Variants in LHFPL1 observed in about 807,000 individuals in gnomAD.
LHFPL1 encodes LHFPL tetraspan subfamily member 1.
Under a neutral mutation model 12.1 loss-of-function variants are expected in LHFPL1, and 4 were observed. That is an observed-to-expected ratio of 0.33 (90% confidence interval 0.16 to 0.76). LHFPL1 has a LOEUF of 0.76. LHFPL1 is among the 30% of genes least tolerant of loss of function. The probability of loss-of-function intolerance (pLI) is 0.61; values close to 1 mark genes in which losing one functional copy is unlikely to be tolerated. For synonymous variants in LHFPL1, 52 were observed against 61.9 expected, an observed-to-expected ratio of 0.84 and a Z score of 0.75; for missense variants, 141 against 174.1, an observed-to-expected ratio of 0.81 and a Z score of 1.07.
chrX:112,642,396 G>A (rs1447089987), intron 3 of LHFPL1, among the ~76,000 whole-genome samples: 5 of 102,207 alleles, frequency 4.9e-5, no homozygotes, highest in Non-Finnish European at 1.0e-4. Context: ...TTGTTGAGAC[G>A]GGGCTTCACC....
intron 3 of LHFPL1, among the ~76,000 whole-genome samples, chrX:112,657,207 T>C (rs1477870495): frequency 1.8e-5 from 2 of 112,173 alleles, no homozygotes; most frequent in African/African-American, 3.2e-5. Flanking sequence ...AAAATAACAA[T>C]AAAATACTTA....
intron 1 of LHFPL1, among the ~76,000 whole-genome samples, chrX:112,673,732 G>C (rs7877380): frequency 0.055 from 6,111 of 111,549 alleles, 429 homozygotes; most frequent in African/African-American, 0.19. Flanking sequence ...TGATTCAACG[G>C]CAAAGCCATA....
chrX:112,634,305 G>A (rs1324118866), intron 3 of LHFPL1, among the ~76,000 whole-genome samples: 1 of 110,718 alleles, frequency 9.0e-6, no homozygotes, highest in Admixed American at 9.6e-5. Flanking sequence ...CCCTAAGGAG[G>A]GGGGGCTCCT....
At chrX:112,650,561 T>C (rs1162515625) in intron 3 of LHFPL1, among the ~76,000 whole-genome samples, 2 of 110,802 alleles carry the variant, frequency 1.8e-5, no homozygotes, top group Admixed American at 1.9e-4. Flanking sequence ...ACCTTCTTTT[T>C]TGACATACAT....
At chrX:112,634,328 A>G (rs1217271793) in intron 3 of LHFPL1, among the ~76,000 whole-genome samples, 1 of 111,076 alleles carries the variant, frequency 9.0e-6, no homozygotes, top group African/African-American at 3.3e-5. Flanking sequence ...GTCAAGTTGT[A>G]GTAGACTCAC....
intron 2 of LHFPL1, 85 bp from the exon 3 acceptor site, chrX:112,660,810 T>C: frequency 1.5e-6 from 1 of 656,114 alleles, no homozygotes. Context: ...TCAGCTCAAA[T>C]TCTGCCTCCT....
intron 2 of LHFPL1, 87 bp downstream of exon 2, chrX:112,670,922 G>T: frequency 1.0e-6 from 1 of 1,001,470 alleles, no homozygotes; most frequent in African/African-American, 1.9e-5. Context: ...AAGGGGGTGA[G>T]AATGGGTTTC....
chrX:112,644,619 G>A (rs1290609475), intron 3 of LHFPL1, among the ~76,000 whole-genome samples: 1 of 111,093 alleles, frequency 9.0e-6, no homozygotes, highest in East Asian at 2.8e-4. Context: ...GGGCCTCTGA[G>A]TACTTATCGA....
intron 1 of LHFPL1, among the ~76,000 whole-genome samples, chrX:112,676,788 G>A (rs972918835): frequency 1.6e-4 from 18 of 111,884 alleles, no homozygotes; most frequent in Middle Eastern, 4.7e-3. Flanking sequence ...AACTCTCACC[G>A]TCAATAAATA....
intron 3 of LHFPL1, among the ~76,000 whole-genome samples, chrX:112,637,342 A>G (rs5974161): frequency 0.11 from 12,166 of 111,222 alleles, 955 homozygotes; most frequent in African/African-American, 0.26. Flanking sequence ...TAAACTGACC[A>G]CCCTCCCTAG....
intron 1 of LHFPL1, among the ~76,000 whole-genome samples, chrX:112,676,289 A>T (rs1406598435): frequency 3.6e-5 from 4 of 112,166 alleles, no homozygotes. Flanking sequence ...TACTTCATGT[A>T]TGTAACAGCT....
chrX:112,670,206 G>A (rs1016473594), intron 2 of LHFPL1, among the ~76,000 whole-genome samples: 5 of 112,463 alleles, frequency 4.4e-5, no homozygotes, highest in African/African-American at 1.3e-4. Context: ...CCCAATCTAG[G>A]TTTTGCAAAA....
At chrX:112,656,539 C>G (rs1412340093) in intron 3 of LHFPL1, among the ~76,000 whole-genome samples, 1 of 111,584 alleles carries the variant, frequency 9.0e-6, no homozygotes, top group Non-Finnish European at 1.9e-5. Flanking sequence ...GGAAAACAAG[C>G]AAAAGACATC....
At chrX:112,668,194 GCTGCCCAGCCTTGGTTTCCTTCCA>G (rs1931391168) in intron 2 of LHFPL1, among the ~76,000 whole-genome samples, 1 of 112,014 alleles carries the variant, frequency 8.9e-6, no homozygotes, top group African/African-American at 3.2e-5. Context: ...GGCCCAAAAT[GCTGCCCAGCCTTGGTTTCCTTCCA>G]CTGGCAAAGC....
chrX:112,635,473 CAA>C (rs980076391), intron 3 of LHFPL1, among the ~76,000 whole-genome samples: 1 of 112,300 alleles, frequency 8.9e-6, no homozygotes, highest in African/African-American at 3.2e-5. Flanking sequence ...TACTACAGTC[CAA>C]GTCTTGCGAG....
intron 3 of LHFPL1, among the ~76,000 whole-genome samples, chrX:112,656,840 T>G (rs1453661586): frequency 8.9e-6 from 1 of 112,018 alleles, no homozygotes; most frequent in Non-Finnish European, 1.9e-5. Context: ...ACCCTAAAGG[T>G]GCTCAGAACA....
intron 3 of LHFPL1, among the ~76,000 whole-genome samples, chrX:112,650,190 GAA>G (rs61291562): frequency 1.8e-5 from 2 of 109,439 alleles, no homozygotes; most frequent in African/African-American, 6.7e-5. Context: ...TAATACAGTA[GAA>G]AAAAAAATTC....
chrX:112,641,137 G>A (rs1306450451), intron 3 of LHFPL1, among the ~76,000 whole-genome samples: 1 of 111,165 alleles, frequency 9.0e-6, no homozygotes, highest in Non-Finnish European at 1.9e-5. Context: ...TTCCATCCAT[G>A]CTTTATCAGC....
intron 2 of LHFPL1, among the ~76,000 whole-genome samples, chrX:112,668,771 T>A (rs764052061): frequency 2.2e-4 from 25 of 112,304 alleles, no homozygotes; most frequent in Non-Finnish European, 4.3e-4. Context: ...ACCTAGTAGG[T>A]GAAATCAACT....
Sources: gnomAD v4.1 joint callset for allele counts (sites outside exome capture counted in the v4.1 genomes callset) on GRCh38, gnomAD v4.1.1 for gene constraint, MANE v1.5 for transcripts, NCBI Gene and HGNC (gene_info 2026-07-23, HGNC 2026-07-21) for gene names.